The following PAK1 variants were observed in gnomAD, a reference collection of about 807,000 sequenced individuals.
PAK1 encodes the protein p21 (RAC1) activated kinase 1.
A neutral mutation model predicts 67.4 loss-of-function variants in PAK1; 29 were observed. The observed-to-expected ratio is 0.43, with a 90% confidence interval of 0.32 to 0.59. PAK1 has a LOEUF of 0.59. PAK1 is among the 20% of genes least tolerant of loss of function. The pLI is 0.07. For missense variants in PAK1, 337 were observed against 670.7 expected (o/e 0.50, Z 5.50); for synonymous variants, 223 against 237.4 (o/e 0.94, Z 0.56).
chr11:77,404,741 T>C (rs1395793925), intron 1 of PAK1, among the ~76,000 whole-genome samples: 1 of 152,242 alleles, frequency 6.6e-6, no homozygotes, highest in Non-Finnish European at 1.5e-5. Context: ...ATCCCTGTAT[T>C]CCTTCACTCG....
intron 5 of PAK1, among the ~76,000 whole-genome samples, chr11:77,364,844 A>G (rs1301571412): frequency 6.6e-6 from 1 of 152,226 alleles, no homozygotes; most frequent in Non-Finnish European, 1.5e-5. Context: ...CTCAGTAGAC[A>G]TTACTTCAAA....
chr11:77,445,215 G>C (rs889748471), intron 1 of PAK1, among the ~76,000 whole-genome samples: 2 of 152,152 alleles, frequency 1.3e-5, no homozygotes, highest in Non-Finnish European at 2.9e-5. Context: ...AAAGGCCAGA[G>C]GGTAACAGAA....
At chr11:77,485,650 T>G in the PAK1 span, among the ~76,000 whole-genome samples, 1 of 152,120 alleles carries the variant, frequency 6.6e-6, no homozygotes, top group Non-Finnish European at 1.5e-5. Flanking sequence ...GAATTTTGTA[T>G]TTTTAGTAGA....
the PAK1 span, among the ~76,000 whole-genome samples, chr11:77,485,199 T>C: frequency 6.6e-6 from 1 of 152,124 alleles, no homozygotes; most frequent in Admixed American, 6.6e-5. Context: ...GTGAGGGGAA[T>C]AGTGGTTAGA....
Position 77,416,861 on chromosome 11 carries a change from G to A in PAK1, c.-21-24320C>T, listed in dbSNP as rs941624197. Among the ~76,000 whole-genome samples the A allele has an allele frequency of 2.0e-5, 3 of 152,098 alleles. No homozygotes were observed. In the East Asian group the frequency reaches 5.8e-4, roughly 29 times the overall value. ...CCAGCTATTCTGGAGGCTGAGGCAGGAGAATGGTGTGAAACCAGGAGGCGG... is the reference window on the plus strand; with the variant it reads ...CCAGCTATTCTGGAGGCTGAGGCAGAAGAATGGTGTGAAACCAGGAGGCGG... On this transcript the variant is annotated intron_variant, in intron 1 of 14. Transcript: ENST00000356341.
chr11:77,476,923 T>C (rs1958066385), upstream of PAK1: 3 of 152,252 alleles, frequency 2.0e-5, no homozygotes, highest in South Asian at 4.1e-4. Flanking sequence ...GTAAAGATGC[T>C]GTGAGCCGAG....
intron 4 of PAK1, among the ~76,000 whole-genome samples, chr11:77,378,920 C>A (rs1371371716): frequency 6.6e-6 from 1 of 152,094 alleles, no homozygotes; most frequent in African/African-American, 2.4e-5. Flanking sequence ...GATAGGAATT[C>A]CCATTTTGAG....
chr11:77,332,675 AG>A (rs1166921027), intron 14 of PAK1, 54 bp downstream of exon 14: 2 of 1,476,562 alleles, frequency 1.4e-6, no homozygotes, highest in East Asian at 2.3e-5. Context: ...GAAGTAAAAA[AG>A]GCCTGGTTTA....
chr11:77,453,847 G>A (rs1471625520), intron 1 of PAK1, among the ~76,000 whole-genome samples: 1 of 152,160 alleles, frequency 6.6e-6, no homozygotes, highest in Non-Finnish European at 1.5e-5. Context: ...TTGGGAGGCT[G>A]AGGCAGGAGG....
Position 77,323,306 on chromosome 11 carries a change from C to A in PAK1, c.1606G>T (p.Ala536Ser). ...PLSSLTPLIA[A>S]AKEATKNNH is the part of the protein sequence containing the mutation. The stretch of plus-strand genomic sequence containing the variant: ...TTGTTCTTTGTTGCCTCCTTAGCTG[C>A]AGCAATCAGTGGAGTGAGGCTGGAG... The change falls in exon 15 of 15, where the codon GCA becomes TCA. Residue 536 changes from alanine (A) to serine (S), a missense_variant. Coordinates refer to ENST00000356341, the MANE Select transcript of PAK1 (RefSeq NM_002576.5). 6.2e-7 allele frequency: 1 copy of A among 1,613,968 alleles called. No individual in the cohort carries two copies. Among genetic ancestry groups the A allele is most frequent in the South Asian group, 1.1e-5 (1 of 91,078 alleles).
intron 1 of PAK1, among the ~76,000 whole-genome samples, chr11:77,395,597 C>T (rs572325453): frequency 6.6e-6 from 1 of 152,098 alleles, no homozygotes; most frequent in African/African-American, 2.4e-5. Context: ...TATACACACA[C>T]ACAGACACAC....
chr11:77,466,599 T>C (rs1461662822), intron 1 of PAK1, among the ~76,000 whole-genome samples: 8 of 148,404 alleles, frequency 5.4e-5, no homozygotes, highest in South Asian at 2.1e-4. Flanking sequence ...CAAGACTCCA[T>C]CTCAAAAAAA....
At chr11:77,435,413 C>T (rs2138373728) in intron 1 of PAK1, among the ~76,000 whole-genome samples, 1 of 151,976 alleles carries the variant, frequency 6.6e-6, no homozygotes, top group South Asian at 2.1e-4. Flanking sequence ...CCTGCCTTCG[C>T]AAGGTGGCTG....
intron 1 of PAK1, among the ~76,000 whole-genome samples, chr11:77,409,436 T>C (rs181860851): frequency 3.3e-5 from 5 of 152,266 alleles, no homozygotes; most frequent in Admixed American, 3.3e-4. Flanking sequence ...GATTCAGCAA[T>C]TCCATTACTG....
At chr11:77,366,523 T>C (rs1947607572) in intron 5 of PAK1, among the ~76,000 whole-genome samples, 1 of 152,174 alleles carries the variant, frequency 6.6e-6, no homozygotes, top group Non-Finnish European at 1.5e-5. Context: ...GGGGCAAAGT[T>C]TACATATTTT....
At chr11:77,336,635 A>G (rs1024852839) in intron 12 of PAK1, among the ~76,000 whole-genome samples, 4 of 152,154 alleles carry the variant, frequency 2.6e-5, no homozygotes, top group African/African-American at 9.7e-5. Flanking sequence ...AAATCTGGCG[A>G]CTAGGTCCTT....
intron 1 of PAK1, among the ~76,000 whole-genome samples, chr11:77,417,738 CTT>C (rs67257981): frequency 2.1e-4 from 30 of 144,532 alleles, no homozygotes; most frequent in Admixed American, 2.8e-4. Context: ...TTTTTCTTTT[CTT>C]TTTTTTTTTT....
At chr11:77,415,716 T>C (rs1032412259) in intron 1 of PAK1, among the ~76,000 whole-genome samples, 1 of 152,102 alleles carries the variant, frequency 6.6e-6, no homozygotes, top group African/African-American at 2.4e-5. Flanking sequence ...GGTAAGTGAA[T>C]GGAAAGGCCT....
the PAK1 span, among the ~76,000 whole-genome samples, chr11:77,510,361 C>T: frequency 6.6e-6 from 1 of 152,226 alleles, no homozygotes; most frequent in Non-Finnish European, 1.5e-5. Flanking sequence ...TTGCAACACA[C>T]TCTCAATATA....
Sources: gnomAD v4.1 joint callset for allele counts (sites outside exome capture counted in the v4.1 genomes callset) on GRCh38, gnomAD v4.1.1 for gene constraint, MANE v1.5 for transcripts, NCBI Gene and HGNC (gene_info 2026-07-23, HGNC 2026-07-21) for gene names.